Variants in CNTROB observed in about 807,000 individuals in gnomAD.
CNTROB encodes the protein centrobin, centriole duplication and spindle assembly protein, also known as centrobin.
CNTROB carries 82 observed loss-of-function variants against 115.7 expected under a neutral mutation model. The observed-to-expected ratio is 0.71, with a 90% CI of 0.59 to 0.85. CNTROB has a LOEUF of 0.85. Among genes scored for constraint, CNTROB ranks in the 40% least tolerant of loss-of-function variants. CNTROB has a pLI of 0.00. For missense variants in CNTROB, 1,014 were observed against 1,144.4 expected, an observed-to-expected ratio of 0.89 and a Z score of 1.64; for synonymous variants, 439 against 456.4, an observed-to-expected ratio of 0.96 and a Z score of 0.49.
At chr17:7,945,261 A>G (rs1023146514) in intron 12 of CNTROB, 4 of 152,218 alleles carry the variant, frequency 2.6e-5, no homozygotes, top group Non-Finnish European at 4.4e-5. Flanking sequence ...TCTCAGCTAT[A>G]TGGGAGGCTA....
chr17:7,947,487 T>G, intron 13 of CNTROB, 84 bp from the exon 14 acceptor site: 1 of 1,304,804 alleles, frequency 7.7e-7, no homozygotes, highest in Non-Finnish European at 1.0e-6. Context: ...CCCTTTCTTC[T>G]GAGTATTAGG....
At position 7,932,848 on chromosome 17, in the gene CNTROB, G is replaced by C. The variant is rs1179110071; in HGVS notation, c.-232G>C. 1.8e-6 allele frequency: 1 copy of C among 566,894 alleles called. No homozygotes were observed. Among genetic ancestry groups the C allele is most frequent in the African/African-American group, 1.9e-5 (1 of 53,142 alleles). 35.1% of individuals were successfully genotyped at this position (566,894 alleles called of 1,614,324 possible). A position where few individuals can be genotyped will look rare whatever the true frequency, so the allele number is the denominator to read the frequency against. On this transcript the variant is annotated 5_prime_UTR_variant, in exon 1 of 19. Transcript: ENST00000563694. ...CTCTGCGCTGCACCCTCTTAACGCT[G>C]TTCCCAGGAGCTGGGGAAAGGGATG...
In CNTROB at chr17:7,944,666, C is replaced by T; in HGVS notation, c.1734+28C>T. 1 of 1,582,812 alleles carries T rather than the reference C, an allele frequency of 6.3e-7. No individual in the cohort carries two copies. The highest frequency in any genetic ancestry group is 8.6e-7 in the Non-Finnish European group (1 of 1,163,682). On this transcript the variant is annotated intron_variant, in intron 12 of 18. Transcript: ENST00000563694. The surrounding 1 kb of genome is among the most constrained non-coding windows in gnomAD (Gnocchi z 4.0). ...ACGCCTTACCCCTTGAGCTAAGCTT[C>T]TCCGTTATGTTCTATTTTTATTTTT...
At chr17:7,945,498 C>T (rs570915717) in intron 12 of CNTROB, 9 of 516,410 alleles carry the variant, frequency 1.7e-5, no homozygotes, top group Middle Eastern at 5.1e-4. Flanking sequence ...ACTACACACA[C>T]GTGCCATTGC....
intron 4 of CNTROB, 189 bp from the exon 5 acceptor site, chr17:7,936,165 GGTACAGAAACAT>G (rs1332004553): frequency 5.4e-6 from 3 of 555,620 alleles, no homozygotes; most frequent in Non-Finnish European, 9.7e-6. Context: ...CTCCTGAAAA[GGTACAGAAACAT>G]GTTGGAGATC....
Position 7,948,025 on chromosome 17 carries a change from A to G in CNTROB, c.2209+46A>G. On this transcript the variant is annotated intron_variant, in intron 15 of 18. Transcript: ENST00000563694. The surrounding 1 kb of genome is among the most constrained non-coding windows in gnomAD (Gnocchi z 4.4). ...AGGTTGGGGCTGGGGCCTAGGAAAGATCGGAGTTGGTTATCTAGGATGAAT... is the reference window on the plus strand; with the variant it reads ...AGGTTGGGGCTGGGGCCTAGGAAAGGTCGGAGTTGGTTATCTAGGATGAAT... 1 of 1,599,962 alleles carries G rather than the reference A, an allele frequency of 6.3e-7. No homozygotes were observed. The highest frequency in any genetic ancestry group is 8.6e-7 in the Non-Finnish European group (1 of 1,167,426).
chr17:7,944,644 C>T lies in CNTROB; in HGVS notation c.1734+6C>T, dbSNP rs1391303419. 9 of 1,597,350 alleles carry T rather than the reference C, an allele frequency of 5.6e-6. No homozygotes were observed. In the East Asian group the frequency reaches 2.0e-4, roughly 36 times the overall value. On this transcript the variant is annotated splice_donor_region_variant and intron_variant, in intron 12 of 18. Coordinates refer to ENST00000563694, the MANE Select transcript of CNTROB (RefSeq NM_053051.5). The surrounding 1 kb of genome is among the most constrained non-coding windows in gnomAD (Gnocchi z 4.0). The stretch of plus-strand genomic sequence containing the variant: ...TCCCGCCGCCCAACCCTCCAGTACG[C>T]CTTACCCCTTGAGCTAAGCTTCTCC...
Position 7,942,109 on chromosome 17 carries a change from A to G in CNTROB, c.1312-1282A>G, listed in dbSNP as rs933247222. Among the ~76,000 whole-genome samples, 16 of 151,000 alleles carry G rather than the reference A, an allele frequency of 1.1e-4. No homozygotes were observed. In the East Asian group the frequency reaches 1.6e-3, roughly 15 times the overall value. On this transcript the variant is annotated intron_variant, in intron 9 of 18. Coordinates refer to ENST00000563694, the MANE Select transcript of CNTROB (RefSeq NM_053051.5). Reference sequence around the variant, plus strand: ...TAATGAGACCCCATCTCTACAAAAAATAAAAATATTAGCTGGGTGTTGTGG... The same window carrying G: ...TAATGAGACCCCATCTCTACAAAAAGTAAAAATATTAGCTGGGTGTTGTGG...
intron 13 of CNTROB, 135 bp downstream of exon 13, chr17:7,946,121 A>G: frequency 6.6e-6 from 5 of 757,224 alleles, no homozygotes; most frequent in Non-Finnish European, 1.1e-5. Flanking sequence ...TGCAAGGAGC[A>G]GAAATCTGCT....
In CNTROB at chr17:7,943,168, G is replaced by T. The variant is rs1254423041; in HGVS notation, c.1312-223G>T. On this transcript the variant is annotated intron_variant, in intron 9 of 18. Transcript: ENST00000563694. The surrounding 1 kb of genome is among the most constrained non-coding windows in gnomAD (Gnocchi z 4.7). ...TCTGTCGAACATTTATTTTAGCTAA[G>T]AAATTTATGTCTTTCACCCATAGTC... Among the ~76,000 whole-genome samples the T allele has an allele frequency of 6.6e-6, 1 of 152,108 alleles. No individual in the cohort carries two copies. Among genetic ancestry groups the T allele is most frequent in the Non-Finnish European group, 1.5e-5 (1 of 68,020 alleles).
intron 9 of CNTROB, among the ~76,000 whole-genome samples, chr17:7,942,918 C>T (rs895116092): frequency 4.8e-5 from 7 of 146,578 alleles, no homozygotes; most frequent in African/African-American, 7.5e-5. Context: ...TCTCCTGCCT[C>T]AGCCTCCCAA....
In CNTROB at chr17:7,944,531, G is replaced by A. The variant is rs1276902146; in HGVS notation, c.1627G>A (p.Glu543Lys). ...CELQSGNQQL[E>K]EQRVELVERL... is the part of the protein sequence containing the mutation. ...ACTGCAGAGTGGGAACCAGCAGCTGGAGGAGCAGCGGGTGGAGCTGGTGGA... is the reference window on the plus strand; with the variant it reads ...ACTGCAGAGTGGGAACCAGCAGCTGAAGGAGCAGCGGGTGGAGCTGGTGGA... The change falls in exon 12 of 19, where the codon GAG becomes AAG. Residue 543 changes from glutamate to lysine, a missense_variant. Physicochemically the swap from Glu to Lys is moderately conservative, Grantham distance 56. Transcript: ENST00000563694. This position sits in a 1 kb window ranked among gnomAD's most constrained non-coding sequence, Gnocchi z 4.0. The A allele has an allele frequency of 5.0e-6, 8 of 1,614,158 alleles. No homozygotes were observed. The highest frequency in any genetic ancestry group is 6.8e-6 in the Non-Finnish European group (8 of 1,180,028).
chr17:7,946,179 C>T (rs891929072), intron 13 of CNTROB, among the ~76,000 whole-genome samples, 193 bp downstream of exon 13: 4 of 152,208 alleles, frequency 2.6e-5, no homozygotes, highest in Admixed American at 2.0e-4. Context: ...AATATGACAT[C>T]GCTGGACTTA....
In CNTROB at chr17:7,944,416, T is replaced by G; in HGVS notation, c.1572-60T>G. ...CCAACATTTCCCTTCTGGCTCTTTT[T>G]AGCTCCCAAGTATCTGCTTCCTTAA... On this transcript the variant is annotated intron_variant, in intron 11 of 18. Transcript: ENST00000563694. The surrounding 1 kb of genome is among the most constrained non-coding windows in gnomAD (Gnocchi z 4.0). The G allele has an allele frequency of 6.3e-7, 1 of 1,597,094 alleles. No homozygotes were observed. The highest frequency in any genetic ancestry group is 8.6e-7 in the Non-Finnish European group (1 of 1,168,332).
Position 7,947,969 on chromosome 17 carries a change from C to T in CNTROB, c.2199C>T (p.Pro733=), listed in dbSNP as rs761927416. ...AGAACCCTTCTGTCGACCTGTTGCCCCCTAAGTCTGGTGAGTTCCAACTCT... is the reference window on the plus strand; with the variant it reads ...AGAACCCTTCTGTCGACCTGTTGCCTCCTAAGTCTGGTGAGTTCCAACTCT... ...NNENPSVDLL[P]PKSGPLTVPS... The change falls in exon 15 of 19, where the codon CCC becomes CCT. Residue 733 remains proline (P), a synonymous_variant. Transcript: ENST00000563694. The T allele has an allele frequency of 6.2e-7, 1 of 1,613,810 alleles. No homozygotes were observed. Among genetic ancestry groups the T allele is most frequent in the Admixed American group, 1.7e-5 (1 of 59,982 alleles).
Position 7,936,830 on chromosome 17 carries a change from G to T in CNTROB, c.828+13G>T. On this transcript the variant is annotated intron_variant, in intron 6 of 18. Transcript: ENST00000563694. ...CAAGCAGCAGGAGGTGAGCGCCCTG[G>T]AGCATATGGCATTAGAACCTGAGTC... 1 of 1,009,206 alleles carries T rather than the reference G, an allele frequency of 9.9e-7. No individual in the cohort carries two copies. The highest frequency in any genetic ancestry group is 1.3e-5 in the South Asian group (1 of 78,964). 62.5% of individuals were successfully genotyped at this position (1,009,206 alleles called of 1,614,324 possible).
chr17:7,944,719 C>T lies in CNTROB; in HGVS notation c.1734+81C>T, dbSNP rs1159474526. 1.3e-6 allele frequency: 2 copies of T among 1,508,622 alleles called. No individual in the cohort carries two copies. Among genetic ancestry groups the T allele is most frequent in the South Asian group, 2.5e-5 (2 of 79,290 alleles). 93.5% of individuals were successfully genotyped at this position (1,508,622 alleles called of 1,614,324 possible). A position where few individuals can be genotyped will look rare whatever the true frequency, so the allele number is the denominator to read the frequency against. ...TTTTGAGACAGGGTCTCACTCTTGC[C>T]CAGGCTGGAGTGTACTGGTGAGATC... On this transcript the variant is annotated intron_variant, in intron 12 of 18. Coordinates refer to ENST00000563694, the MANE Select transcript of CNTROB (RefSeq NM_053051.5). This position sits in a 1 kb window ranked among gnomAD's most constrained non-coding sequence, Gnocchi z 4.0.
At chr17:7,936,288 A>AC (rs1567910952) in intron 4 of CNTROB, 78 bp from the exon 5 acceptor site, 1 of 775,336 alleles carries the variant, frequency 1.3e-6, no homozygotes, top group Admixed American at 1.7e-5. Flanking sequence ...CCACTCCCCC[A>AC]CTAGAGGAGC....
chr17:7,947,685 C>T lies in CNTROB; in HGVS notation c.2108C>T (p.Pro703Leu), dbSNP rs1449477274. 1 of 1,613,554 alleles carries T rather than the reference C, an allele frequency of 6.2e-7. No individual in the cohort carries two copies. Among genetic ancestry groups the T allele is most frequent in the South Asian group, 1.1e-5 (1 of 91,016 alleles). ...GGCCTCCTAAAGCAAGGGCTGCCGC[C>T]TGCTCAGCTGGAGGGCCTCAAGAAT... ...GEGLLKQGLP[P>L]AQLEGLKNFL... Residue 703 changes from proline to leucine, a missense_variant, in exon 14 of 19, where the codon CCT becomes CTT. By Grantham distance (98) the Pro-to-Leu change is moderately conservative. Coordinates refer to ENST00000563694, the MANE Select transcript of CNTROB (RefSeq NM_053051.5).
Sources: allele counts gnomAD v4.1 joint callset (sites outside exome capture counted in the v4.1 genomes callset), GRCh38; gene constraint gnomAD v4.1.1; non-coding constraint Gnocchi (gnomAD v3.1); transcripts MANE v1.5; gene names NCBI Gene and HGNC (gene_info 2026-07-23, HGNC 2026-07-21).